The following STS variants were observed in gnomAD, a reference collection of about 807,000 sequenced individuals.
The protein encoded by STS is steryl-sulfatase.
In STS, 7 loss-of-function variants were observed where a neutral mutation model predicts 26.8. The ratio of observed to expected loss-of-function variants is 0.26; its 90% CI spans 0.15 to 0.49. The LOEUF is 0.49. Ranked by LOEUF, STS falls within the 20% of genes least tolerant of loss-of-function variation. The pLI is 0.98. For synonymous variants in STS, 199 were observed against 189.4 expected (o/e 1.05, Z -0.42); for missense variants, 434 against 465.6 (o/e 0.93, Z 0.63).
At chrX:7,310,515 T>C (rs1419819022) in intron 8 of STS, among the ~76,000 whole-genome samples, 16 of 111,997 alleles carry the variant, frequency 1.4e-4, no homozygotes, top group Admixed American at 1.4e-3. Flanking sequence ...GAGTTCAAGC[T>C]GAGAGTCCTG....
At chrX:7,306,067 A>G (rs1448213257) in intron 8 of STS, among the ~76,000 whole-genome samples, 1 of 111,674 alleles carries the variant, frequency 9.0e-6, no homozygotes, top group African/African-American at 3.3e-5. Context: ...ATTGGGCATC[A>G]TGCTAGTCAT....
At chrX:7,263,030 G>C (rs988411332) in intron 6 of STS, among the ~76,000 whole-genome samples, 1 of 112,206 alleles carries the variant, frequency 8.9e-6, no homozygotes, top group Non-Finnish European at 1.9e-5. Flanking sequence ...GAAGTCCCAT[G>C]AGATTATAAT....
intron 2 of STS, among the ~76,000 whole-genome samples, chrX:7,205,875 C>A (rs931491205): frequency 1.8e-5 from 2 of 109,138 alleles, no homozygotes; most frequent in African/African-American, 6.7e-5. Context: ...CTCAGCCTCA[C>A]AACATGCTGG....
At chrX:7,330,605 A>G (rs1927700858) in intron 9 of STS, among the ~76,000 whole-genome samples, 2 of 112,692 alleles carry the variant, frequency 1.8e-5, no homozygotes, top group Admixed American at 1.9e-4. Context: ...GATTTAGCTG[A>G]CTTCTCCCAG....
chrX:7,204,632 C>A (rs1421090598), intron 2 of STS, among the ~76,000 whole-genome samples: 1 of 102,868 alleles, frequency 9.7e-6, no homozygotes, highest in Non-Finnish European at 2.0e-5. Context: ...TCTTCCCTCC[C>A]TCTCTTCCTT....
chrX:7,246,977 C>T (rs1362460358), intron 2 of STS, among the ~76,000 whole-genome samples: 1 of 112,640 alleles, frequency 8.9e-6, no homozygotes, highest in Non-Finnish European at 1.9e-5. Flanking sequence ...AAGTGTGTCA[C>T]ATAAAATAAT....
rs1055099372 is a variant in STS, at chrX:7,353,069, C to T, written c.*2808C>T. 1.8e-5 allele frequency: 2 copies of T among 111,849 alleles called. No individual in the cohort carries two copies. Among genetic ancestry groups the T allele is most frequent in the African/African-American group, 6.5e-5 (2 of 30,787 alleles). 9.2% of individuals were successfully genotyped at this position (111,849 alleles called of 1,213,427 possible). On this transcript the variant is annotated 3_prime_UTR_variant, in exon 11 of 11. Transcript: ENST00000674429. ...AAATTTTCCTTGGCAATTAAAAATG[C>T]TGTGCGCTAATACCCTGCTTTCTAT...
chrX:7,180,581 C>A (rs1022659686), intron 1 of STS, among the ~76,000 whole-genome samples: 9 of 111,879 alleles, frequency 8.0e-5, no homozygotes, highest in African/African-American at 2.9e-4. Flanking sequence ...ACAGAGTCAG[C>A]ATACAGGTGG....
chrX:7,252,885 G>A (rs961011622), intron 2 of STS, among the ~76,000 whole-genome samples: 8 of 111,558 alleles, frequency 7.2e-5, no homozygotes, highest in African/African-American at 2.6e-4. Context: ...AGGCACAGTC[G>A]TTCAGGCCTG....
At chrX:7,320,744 G>A (rs1181399155) in intron 8 of STS, among the ~76,000 whole-genome samples, 1 of 111,759 alleles carries the variant, frequency 8.9e-6, no homozygotes, top group South Asian at 3.7e-4. Context: ...TTTGTTGGCT[G>A]TGATGTCTGT....
chrX:7,153,126 G>T (rs1235659778), intron 1 of STS, among the ~76,000 whole-genome samples: 1 of 111,635 alleles, frequency 9.0e-6, no homozygotes, highest in African/African-American at 3.3e-5. Flanking sequence ...TGAGAGAGGG[G>T]CTCAGGCTTC....
chrX:7,155,187 C>A (rs1283624255), intron 1 of STS, among the ~76,000 whole-genome samples: 3 of 111,635 alleles, frequency 2.7e-5, no homozygotes, highest in African/African-American at 9.8e-5. Flanking sequence ...TTTAACACAA[C>A]AGTTCCCAAA....
rs73469535 is a variant in STS at position 7,324,426 on chromosome X, G to C, written c.1082-913G>C. Among the ~76,000 whole-genome samples, 9 of 111,620 alleles carry C rather than the reference G, an allele frequency of 8.1e-5. No individual in the cohort carries two copies. The East Asian group carries it at 8.4e-4, about 10-fold the overall frequency. ...TCTTGGTCAGTTCTCTCCCGGATCA[G>C]GGAGAAGACCCCAAAAGAGAAGGAG... On this transcript the variant is annotated intron_variant, in intron 8 of 10. Coordinates refer to ENST00000674429, the MANE Select transcript of STS (RefSeq NM_001320752.2).
At chrX:7,345,878 G>T (rs1313625421) in intron 10 of STS, among the ~76,000 whole-genome samples, 1 of 111,951 alleles carries the variant, frequency 8.9e-6, no homozygotes, top group African/African-American at 3.2e-5. Context: ...GAAAGTTCTG[G>T]TTTGCGCCCT....
intron 1 of STS, among the ~76,000 whole-genome samples, chrX:7,179,498 T>G (rs1472609340): frequency 8.9e-6 from 1 of 112,572 alleles, no homozygotes; most frequent in Non-Finnish European, 1.9e-5. Flanking sequence ...CTCTAGTACT[T>G]CTCCTCTGAT....
intron 2 of STS, among the ~76,000 whole-genome samples, chrX:7,204,093 T>G (rs1456861988): frequency 1.8e-5 from 2 of 112,229 alleles, no homozygotes; most frequent in Non-Finnish European, 3.8e-5. Flanking sequence ...GACAGATTGT[T>G]TTTCACATTT....
chrX:7,312,493 G>A (rs1926525715), intron 8 of STS, among the ~76,000 whole-genome samples: 2 of 111,302 alleles, frequency 1.8e-5, no homozygotes, highest in Admixed American at 1.9e-4. Flanking sequence ...TGGTTTGGCT[G>A]TGTCCCCATC....
chrX:7,319,918 G>T (rs1926882712), intron 8 of STS, among the ~76,000 whole-genome samples: 1 of 96,412 alleles, frequency 1.0e-5, no homozygotes, highest in African/African-American at 3.8e-5. Context: ...CTCAGATTGT[G>T]CAACTATTTT....
intron 1 of STS, among the ~76,000 whole-genome samples, chrX:7,173,527 C>G (rs1933508442): frequency 8.9e-6 from 1 of 112,227 alleles, no homozygotes; most frequent in African/African-American, 3.2e-5. Context: ...CTGTCTTCCA[C>G]AATGATTGAA....
Sources: allele counts gnomAD v4.1 joint callset (sites outside exome capture counted in the v4.1 genomes callset), GRCh38; gene constraint gnomAD v4.1.1; transcripts MANE v1.5; gene names NCBI Gene and HGNC (gene_info 2026-07-23, HGNC 2026-07-21).